SGCZ: variants seen among roughly 807,000 people sequenced by gnomAD.
SGCZ encodes sarcoglycan zeta.
Under a neutral mutation model 41.3 loss-of-function variants are expected in SGCZ, and 40 were observed. The ratio of observed to expected loss-of-function variants is 0.97; its 90% CI spans 0.75 to 1.26. The LOEUF is 1.26. Among genes scored for constraint, SGCZ ranks in the 50% most tolerant of loss-of-function variants. The pLI is 0.00. For synonymous variants in SGCZ, 206 were observed against 137.5 expected, an observed-to-expected ratio of 1.50 and a Z score of -3.49; for missense variants, 552 against 369.8, an observed-to-expected ratio of 1.49 and a Z score of -4.04.
intron 5 of SGCZ, among the ~76,000 whole-genome samples, chr8:14,143,779 C>T (rs1803442677): frequency 6.6e-6 from 1 of 152,132 alleles, no homozygotes; most frequent in Non-Finnish European, 1.5e-5. Flanking sequence ...CCTCTACACC[C>T]CACCCTCCCT....
intron 2 of SGCZ, among the ~76,000 whole-genome samples, chr8:14,546,123 C>A (rs1445803722): frequency 6.6e-6 from 1 of 152,264 alleles, no homozygotes; most frequent in East Asian, 1.9e-4. Context: ...AGTCTTGCAA[C>A]ATTAACGATA....
chr8:15,000,385 A>G (rs1354951950), intron 1 of SGCZ, among the ~76,000 whole-genome samples: 2 of 152,224 alleles, frequency 1.3e-5, no homozygotes, highest in Non-Finnish European at 2.9e-5. Flanking sequence ...TATAGGAGTT[A>G]AAAAGAAATC....
intron 2 of SGCZ, among the ~76,000 whole-genome samples, chr8:14,383,598 G>A (rs1804452558): frequency 2.0e-5 from 3 of 152,190 alleles, no homozygotes; most frequent in South Asian, 4.1e-4. Flanking sequence ...GGTGCTCCCA[G>A]GAGGTAAAGA....
chr8:14,872,711 T>G (rs1028268904), intron 1 of SGCZ, among the ~76,000 whole-genome samples: 1 of 152,134 alleles, frequency 6.6e-6, no homozygotes, highest in African/African-American at 2.4e-5. Flanking sequence ...TTGTCTTTCT[T>G]GGAATATTAT....
chr8:14,973,400 A>G (rs981591082), intron 1 of SGCZ, among the ~76,000 whole-genome samples: 4 of 152,146 alleles, frequency 2.6e-5, no homozygotes, highest in African/African-American at 7.2e-5. Flanking sequence ...ACTAGCAAAC[A>G]TAAGTGGGCC....
intron 1 of SGCZ, among the ~76,000 whole-genome samples, chr8:14,711,148 C>A (rs1305759082): frequency 6.6e-6 from 1 of 152,144 alleles, no homozygotes; most frequent in Non-Finnish European, 1.5e-5. Context: ...AGAAGACATA[C>A]TGAGCAAGTC....
At chr8:14,312,888 G>C (rs1028934264) in intron 3 of SGCZ, among the ~76,000 whole-genome samples, 1 of 152,116 alleles carries the variant, frequency 6.6e-6, no homozygotes, top group African/African-American at 2.4e-5. Flanking sequence ...ATTAGAGTAA[G>C]TCAAGAATGT....
chr8:14,983,562 C>T (rs1039460103), intron 1 of SGCZ, among the ~76,000 whole-genome samples: 1 of 151,932 alleles, frequency 6.6e-6, no homozygotes, highest in African/African-American at 2.4e-5. Flanking sequence ...CCAGGCTGGT[C>T]TCACACTCCC....
rs1439261182 is a variant in SGCZ at position 14,177,673 on chromosome 8, CTAT to C, written c.425-12974_425-12972del. ...TACAGGCGCCCGCCACCACGCCCTG[CTAT>C]TTTTTTTTTTTTTTTTTTTTTGTAT... On this transcript the variant is annotated intron_variant, in intron 4 of 7. Transcript: ENST00000382080. Among the ~76,000 whole-genome samples, 142 of 115,150 alleles carry C rather than the reference CTAT, an allele frequency of 1.2e-3. 2 individuals carry two copies. In the South Asian group the frequency reaches 0.02, roughly 16 times the overall value. 75.5% of individuals were successfully genotyped at this position (115,150 alleles called of 152,430 possible).
intron 1 of SGCZ, among the ~76,000 whole-genome samples, chr8:14,592,816 C>T (rs1269809157): frequency 2.0e-5 from 3 of 152,124 alleles, no homozygotes; most frequent in East Asian, 3.9e-4. Context: ...CAGAGTGGCT[C>T]TTAGCAGTGT....
intron 5 of SGCZ, among the ~76,000 whole-genome samples, chr8:14,142,941 T>A (rs1300189562): frequency 1.3e-5 from 2 of 151,464 alleles, no homozygotes; most frequent in African/African-American, 4.9e-5. Flanking sequence ...CAGAAGCCAG[T>A]ATGCTTCCTG....
At chr8:14,320,141 G>C (rs1258562605) in intron 3 of SGCZ, among the ~76,000 whole-genome samples, 1 of 151,554 alleles carries the variant, frequency 6.6e-6, no homozygotes, top group East Asian at 1.9e-4. Context: ...CTTTGGAGTG[G>C]TTTGTGTTTC....
At chr8:14,382,187 A>T (rs1804392250) in intron 2 of SGCZ, among the ~76,000 whole-genome samples, 1 of 152,182 alleles carries the variant, frequency 6.6e-6, no homozygotes, top group Non-Finnish European at 1.5e-5. Flanking sequence ...TTTCTGCCAA[A>T]CTGACAATGA....
intron 2 of SGCZ, among the ~76,000 whole-genome samples, chr8:14,518,312 C>A (rs1802686080): frequency 6.6e-6 from 1 of 151,962 alleles, no homozygotes; most frequent in Admixed American, 6.6e-5. Flanking sequence ...ATTTATATGT[C>A]CCTGCAGATC....
chr8:14,406,524 G>C (rs759661618), intron 2 of SGCZ, among the ~76,000 whole-genome samples: 27 of 152,254 alleles, frequency 1.8e-4, no homozygotes, highest in Non-Finnish European at 3.8e-4. Context: ...AAACATTGTT[G>C]AATGAATGTA....
At chr8:14,520,039 G>A (rs1802743458) in intron 2 of SGCZ, among the ~76,000 whole-genome samples, 1 of 151,856 alleles carries the variant, frequency 6.6e-6, no homozygotes, top group Non-Finnish European at 1.5e-5. Context: ...ATTTAACCAT[G>A]AGAAATATAT....
At chr8:14,581,877 G>T (rs183142201) in intron 1 of SGCZ, among the ~76,000 whole-genome samples, 10 of 152,182 alleles carry the variant, frequency 6.6e-5, no homozygotes, top group Admixed American at 6.5e-4. Context: ...GAACAACAGG[G>T]GTTTCAATTT....
chr8:14,587,830 T>G (rs144094857), intron 1 of SGCZ, among the ~76,000 whole-genome samples: 172 of 152,282 alleles, frequency 1.1e-3, no homozygotes, highest in Admixed American at 2.1e-3. Context: ...TGAAAATATT[T>G]CAGCAAATAG....
chr8:15,196,059 G>A (rs1203414939), intron 1 of SGCZ, among the ~76,000 whole-genome samples: 1 of 147,098 alleles, frequency 6.8e-6, no homozygotes, highest in Non-Finnish European at 1.5e-5. Context: ...TACCACGCCC[G>A]GCTAATTTTT....
Sources: allele counts gnomAD v4.1 joint callset (sites outside exome capture counted in the v4.1 genomes callset), GRCh38; gene constraint gnomAD v4.1.1; transcripts MANE v1.5; gene names NCBI Gene and HGNC (gene_info 2026-07-23, HGNC 2026-07-21).